The following PCDH9 variants were observed in gnomAD, a reference collection of about 807,000 sequenced individuals.
The protein encoded by PCDH9 is protocadherin 9.
In PCDH9, 24 loss-of-function variants were observed where a neutral mutation model predicts 70.6. That is an observed-to-expected ratio of 0.34 (90% CI 0.25 to 0.48). The LOEUF (loss-of-function observed/expected upper bound fraction) is 0.48. Among genes scored for constraint, PCDH9 ranks in the 20% least tolerant of loss-of-function variants. PCDH9 has a pLI of 0.99. For synonymous variants in PCDH9, 562 were observed against 558.5 expected (o/e 1.01, Z -0.09); for missense variants, 1,281 against 1,503.6 (o/e 0.85, Z 2.45).
intron 2 of PCDH9, among the ~76,000 whole-genome samples, chr13:66,979,413 C>T (rs1225248565): frequency 6.6e-6 from 1 of 152,098 alleles, no homozygotes; most frequent in African/African-American, 2.4e-5. Context: ...GTTTCTATTA[C>T]CTTATTCATT....
intron 3 of PCDH9, among the ~76,000 whole-genome samples, chr13:66,658,745 T>C (rs1196176246): frequency 6.6e-6 from 1 of 152,182 alleles, no homozygotes; most frequent in Non-Finnish European, 1.5e-5. Context: ...TATAAAATGA[T>C]GATACTTTGT....
intron 2 of PCDH9, among the ~76,000 whole-genome samples, chr13:67,157,201 T>A (rs1445699835): frequency 6.6e-6 from 1 of 152,214 alleles, no homozygotes; most frequent in Admixed American, 6.5e-5. Context: ...ATATCTTAAC[T>A]GTATCACATA....
At chr13:66,938,445 C>G (rs2082953500) in intron 2 of PCDH9, among the ~76,000 whole-genome samples, 1 of 152,148 alleles carries the variant, frequency 6.6e-6, no homozygotes, top group Non-Finnish European at 1.5e-5. Flanking sequence ...GCTTGCACCA[C>G]AGTTCTTTGT....
At chr13:66,746,578 A>G (rs9571643) in intron 3 of PCDH9, among the ~76,000 whole-genome samples, 42,547 of 152,050 alleles carry the variant, frequency 0.28, 6,490 homozygotes, top group East Asian at 0.44. Flanking sequence ...TAAGTAAAAA[A>G]ATCAGTTGAC....
chr13:66,411,151 C>T (rs1957362322), intron 4 of PCDH9, among the ~76,000 whole-genome samples: 1 of 152,228 alleles, frequency 6.6e-6, no homozygotes, highest in South Asian at 2.1e-4. Flanking sequence ...CTCCACATTT[C>T]CACATAATGG....
At chr13:66,867,546 A>T (rs2081598518) in intron 3 of PCDH9, among the ~76,000 whole-genome samples, 1 of 152,136 alleles carries the variant, frequency 6.6e-6, no homozygotes, top group African/African-American at 2.4e-5. Context: ...ATAGCTATGA[A>T]AAAAACCTTA....
intron 2 of PCDH9, among the ~76,000 whole-genome samples, chr13:66,929,225 C>G (rs887833368): frequency 1.5e-4 from 23 of 151,332 alleles, no homozygotes; most frequent in African/African-American, 5.3e-4. Flanking sequence ...CTTATAAAAC[C>G]CTATTTACTA....
chr13:66,776,633 T>A (rs1045055241), intron 3 of PCDH9, among the ~76,000 whole-genome samples: 28 of 152,090 alleles, frequency 1.8e-4, no homozygotes, highest in African/African-American at 6.7e-4. Flanking sequence ...TAAAAGAGGA[T>A]ACAAACAAAT....
chr13:66,874,308 C>A (rs956659207), intron 3 of PCDH9, among the ~76,000 whole-genome samples: 1 of 152,072 alleles, frequency 6.6e-6, no homozygotes, highest in Non-Finnish European at 1.5e-5. Context: ...AGGTCAAAGG[C>A]ATTTTGTATT....
intron 2 of PCDH9, among the ~76,000 whole-genome samples, chr13:66,912,958 T>C (rs2082493873): frequency 6.6e-6 from 1 of 152,114 alleles, no homozygotes; most frequent in Non-Finnish European, 1.5e-5. Context: ...TTGCCCAACA[T>C]AAACCTTCAA....
intron 4 of PCDH9, among the ~76,000 whole-genome samples, chr13:66,580,099 T>C (rs1433184104): frequency 1.3e-5 from 2 of 152,094 alleles, no homozygotes; most frequent in African/African-American, 2.4e-5. Flanking sequence ...TATAAATATG[T>C]TAGTGTTAGA....
At chr13:66,741,328 G>A (rs1245844254) in intron 3 of PCDH9, among the ~76,000 whole-genome samples, 1 of 13,628 alleles carries the variant, frequency 7.3e-5, no homozygotes, top group African/African-American at 7.9e-5. Flanking sequence ...ATTAGGTACT[G>A]ATGGGACATA....
At chr13:66,857,792 C>G (rs1342950514) in intron 3 of PCDH9, among the ~76,000 whole-genome samples, 1 of 151,982 alleles carries the variant, frequency 6.6e-6, no homozygotes, top group Non-Finnish European at 1.5e-5. Context: ...CATTTTGTCC[C>G]ATAATTATTT....
At chr13:67,082,110 A>G (rs1276744409) in intron 2 of PCDH9, among the ~76,000 whole-genome samples, 1 of 152,216 alleles carries the variant, frequency 6.6e-6, no homozygotes, top group Non-Finnish European at 1.5e-5. Context: ...TGTGATAAGA[A>G]CATTTAAGAT....
intron 3 of PCDH9, among the ~76,000 whole-genome samples, chr13:66,799,554 A>G (rs1192539342): frequency 2.0e-5 from 3 of 152,228 alleles, no homozygotes; most frequent in African/African-American, 7.2e-5. Context: ...GCTAAGAACT[A>G]TAAGGACCAG....
At chr13:66,426,765 T>C (rs1234849715) in intron 4 of PCDH9, among the ~76,000 whole-genome samples, 1 of 151,616 alleles carries the variant, frequency 6.6e-6, no homozygotes, top group African/African-American at 2.4e-5. Flanking sequence ...CATGCATCCT[T>C]TACTATTAAT....
intron 2 of PCDH9, among the ~76,000 whole-genome samples, chr13:66,910,899 T>A (rs1447444271): frequency 6.6e-6 from 1 of 152,210 alleles, no homozygotes; most frequent in Non-Finnish European, 1.5e-5. Context: ...AGAATGCGTG[T>A]TCCATTGAGT....
chr13:66,452,906 T>C (rs1031196162), intron 4 of PCDH9, among the ~76,000 whole-genome samples: 27 of 152,038 alleles, frequency 1.8e-4, no homozygotes, highest in Non-Finnish European at 3.2e-4. Flanking sequence ...GTCAAGATAA[T>C]CTTTTCATTT....
intron 4 of PCDH9, among the ~76,000 whole-genome samples, chr13:66,536,462 C>A (rs1960707961): frequency 6.6e-6 from 1 of 151,980 alleles, no homozygotes; most frequent in Admixed American, 6.6e-5. Flanking sequence ...TATTTTATAT[C>A]TTCTAAATGC....
Sources: allele counts gnomAD v4.1 joint callset (sites outside exome capture counted in the v4.1 genomes callset), GRCh38; gene constraint gnomAD v4.1.1; transcripts MANE v1.5; gene names NCBI Gene and HGNC (gene_info 2026-07-23, HGNC 2026-07-21).